GRIN3A: variants seen among roughly 807,000 people sequenced by gnomAD.
The protein encoded by GRIN3A is glutamate receptor ionotropic, NMDA 3A.
GRIN3A carries 47 observed loss-of-function variants against 92.4 expected under a neutral mutation model. That is an observed-to-expected ratio of 0.51 (90% CI 0.40 to 0.65). GRIN3A has a LOEUF of 0.65. Among genes scored for constraint, GRIN3A ranks in the 30% least tolerant of loss-of-function variants. The pLI, the probability that GRIN3A is intolerant of heterozygous loss-of-function variation, is 0.00. For missense variants in GRIN3A, 1,324 were observed against 1,393.1 expected (o/e 0.95, Z 0.79); for synonymous variants, 527 against 540.6 (o/e 0.97, Z 0.35).
rs578214477 is a variant in GRIN3A, at chr9:101,616,894, A to T, written c.2615-3367T>A. 3.4e-3 allele frequency among the ~76,000 whole-genome samples: 509 copies of T among 149,774 alleles called. 3 individuals carry two copies. The highest frequency in any genetic ancestry group is 0.011 in the African/African-American group (466 of 40,924). On this transcript the variant is annotated intron_variant, in intron 5 of 8. Coordinates refer to ENST00000361820, the MANE Select transcript of GRIN3A (RefSeq NM_133445.3). The stretch of plus-strand genomic sequence containing the variant: ...TACCCTAAAACTTAAAGTATAAAAA[A>T]AAAAAAAAAAAAAAGGAACAAAAGG...
intron 1 of GRIN3A, among the ~76,000 whole-genome samples, chr9:101,701,221 T>A (rs1829747870): frequency 6.6e-6 from 1 of 152,216 alleles, no homozygotes; most frequent in African/African-American, 2.4e-5. Context: ...TTTCTTTCTT[T>A]TAACTTTTAG....
rs139027120 is a variant in GRIN3A at position 101,737,568 on chromosome 9, C to T, written c.412G>A (p.Val138Met). The change falls in exon 1 of 9, where the codon GTG becomes ATG. Residue 138 changes from valine (V) to methionine (M), a missense_variant. Coordinates refer to ENST00000361820, the MANE Select transcript of GRIN3A (RefSeq NM_133445.3). ...AGGTTGTAGGGTAGCAGCCCTTCCA[C>T]GCGGTTCAGGTTGTCCACGGCAAAT... is the stretch of plus-strand genomic sequence containing the variant. ...LLFAVDNLNR[V>M]EGLLPYNLSL... 1.2e-6 allele frequency: 2 copies of T among 1,614,196 alleles called. No individual in the cohort carries two copies. Among genetic ancestry groups the T allele is most frequent in the Non-Finnish European group, 1.7e-6 (2 of 1,180,034 alleles).
At chr9:101,589,080 C>T (rs745698612) in intron 6 of GRIN3A, among the ~76,000 whole-genome samples, 28 of 152,076 alleles carry the variant, frequency 1.8e-4, no homozygotes, top group Non-Finnish European at 4.0e-4. Flanking sequence ...AAATGATTCT[C>T]CTGTTTCTGC....
chr9:101,587,582 A>C (rs1034832050), intron 6 of GRIN3A, among the ~76,000 whole-genome samples: 8 of 152,314 alleles, frequency 5.3e-5, no homozygotes, highest in South Asian at 2.1e-4. Flanking sequence ...CTGAAAAGTA[A>C]CTTAATTACA....
intron 1 of GRIN3A, among the ~76,000 whole-genome samples, chr9:101,723,562 G>T (rs904690235): frequency 1.3e-5 from 2 of 152,166 alleles, no homozygotes; most frequent in African/African-American, 4.8e-5. Flanking sequence ...CGGGCAGCCT[G>T]CTTTTATTCT....
At chr9:101,609,265 A>T (rs1046398836) in intron 6 of GRIN3A, among the ~76,000 whole-genome samples, 1 of 152,216 alleles carries the variant, frequency 6.6e-6, no homozygotes, top group African/African-American at 2.4e-5. Flanking sequence ...GGTTTCTGGT[A>T]ATATTTCTTT....
chr9:101,665,136 T>C (rs1829222466), intron 3 of GRIN3A, among the ~76,000 whole-genome samples: 1 of 151,990 alleles, frequency 6.6e-6, no homozygotes, highest in Non-Finnish European at 1.5e-5. Context: ...ATTTAAAATA[T>C]TACATGCAAC....
At chr9:101,660,492 G>A (rs755338559) in intron 3 of GRIN3A, among the ~76,000 whole-genome samples, 17 of 151,772 alleles carry the variant, frequency 1.1e-4, no homozygotes, top group Non-Finnish European at 1.9e-4. Context: ...CAAATGGGGA[G>A]TTGCCATTTG....
chr9:101,712,362 A>G (rs1042509559), intron 1 of GRIN3A, among the ~76,000 whole-genome samples: 1 of 152,196 alleles, frequency 6.6e-6, no homozygotes, highest in Non-Finnish European at 1.5e-5. Flanking sequence ...TGAACTACAG[A>G]GTGCAATTCT....
At chr9:101,636,931 A>G (rs1353404320) in intron 3 of GRIN3A, among the ~76,000 whole-genome samples, 2 of 152,224 alleles carry the variant, frequency 1.3e-5, no homozygotes, top group African/African-American at 4.8e-5. Context: ...TGAAAAAACA[A>G]GCTAAATATA....
chr9:101,672,276 G>A (rs1200811608), intron 2 of GRIN3A, among the ~76,000 whole-genome samples: 2 of 152,144 alleles, frequency 1.3e-5, no homozygotes, highest in Non-Finnish European at 2.9e-5. Context: ...TTTATGTAAA[G>A]CACATGCTAC....
At chr9:101,576,267 G>A (rs1341795271) in intron 8 of GRIN3A, among the ~76,000 whole-genome samples, 1 of 152,142 alleles carries the variant, frequency 6.6e-6, no homozygotes, top group African/African-American at 2.4e-5. Flanking sequence ...TACTCCACTG[G>A]ACTATTCCAA....
intron 1 of GRIN3A, among the ~76,000 whole-genome samples, chr9:101,721,310 C>T (rs1830010162): frequency 6.6e-6 from 1 of 152,196 alleles, no homozygotes; most frequent in African/African-American, 2.4e-5. Context: ...GTGCCTTTTG[C>T]CTCCCGCCAT....
intron 5 of GRIN3A, among the ~76,000 whole-genome samples, chr9:101,620,328 T>C (rs1208352697): frequency 6.6e-6 from 1 of 152,152 alleles, no homozygotes; most frequent in African/African-American, 2.4e-5. Context: ...GCCTATTTCG[T>C]AGGGGCACTA....
At chr9:101,648,178 C>T (rs1223773482) in intron 3 of GRIN3A, among the ~76,000 whole-genome samples, 1 of 151,858 alleles carries the variant, frequency 6.6e-6, no homozygotes, top group Non-Finnish European at 1.5e-5. Context: ...TTTTGTTAGT[C>T]TCAAGGAATT....
At chr9:101,705,685 T>C (rs1229138243) in intron 1 of GRIN3A, among the ~76,000 whole-genome samples, 1 of 152,186 alleles carries the variant, frequency 6.6e-6, no homozygotes, top group African/African-American at 2.4e-5. Context: ...CCACACGTCC[T>C]GCAAAGGGGG....
At chr9:101,598,095 T>C (rs1431771631) in intron 6 of GRIN3A, among the ~76,000 whole-genome samples, 1 of 152,232 alleles carries the variant, frequency 6.6e-6, no homozygotes, top group East Asian at 1.9e-4. Context: ...ATATATGTAC[T>C]TTTAAATTTT....
rs5899459 is a variant in GRIN3A at position 101,715,200 on chromosome 9, TAA to T, written c.699+22079_699+22080del. Among the ~76,000 whole-genome samples the T allele has an allele frequency of 5.7e-3, 722 of 127,648 alleles. 1 individual carries two copies. The highest frequency in any genetic ancestry group is 0.01 in the African/African-American group (339 of 33,348). The allele number at this position is 127,648 out of a possible 152,430, so 83.7% of individuals were successfully genotyped here. ...ATGGGACATTTTGTGACAAAAATGG[TAA>T]AAAAAAAAAAAAAAAAAGAAAATGT... On this transcript the variant is annotated intron_variant, in intron 1 of 8. Transcript: ENST00000361820.
At chr9:101,644,130 TA>T (rs1828902044) in intron 3 of GRIN3A, among the ~76,000 whole-genome samples, 1 of 151,958 alleles carries the variant, frequency 6.6e-6, no homozygotes, top group South Asian at 2.1e-4. Flanking sequence ...TTAGAAAACT[TA>T]AATGCATATA....
Sources: gnomAD v4.1 joint callset for allele counts (sites outside exome capture counted in the v4.1 genomes callset) on GRCh38, gnomAD v4.1.1 for gene constraint, MANE v1.5 for transcripts, NCBI Gene and HGNC (gene_info 2026-07-23, HGNC 2026-07-21) for gene names.